Variants in FGF14 observed in about 807,000 individuals in gnomAD.
The protein encoded by FGF14 is fibroblast growth factor homologous factor 4.
In FGF14, 5 loss-of-function variants were observed where a neutral mutation model predicts 25.5. The observed-to-expected ratio is 0.20, with a 90% CI of 0.10 to 0.41. The LOEUF (loss-of-function observed/expected upper bound fraction) is 0.41, where lower values mean the gene tolerates loss of function less well. Ranked by LOEUF, FGF14 falls within the 10% of genes least tolerant of loss-of-function variation. The pLI, the probability that FGF14 is intolerant of heterozygous loss-of-function variation, is 1.00. For missense variants in FGF14, 222 were observed against 320.1 expected (o/e 0.69, Z 2.34); for synonymous variants, 138 against 118.3 (o/e 1.17, Z -1.08).
At chr13:102,168,250 G>A (rs1162991577) in intron 1 of FGF14, among the ~76,000 whole-genome samples, 1 of 152,096 alleles carries the variant, frequency 6.6e-6, no homozygotes, top group Non-Finnish European at 1.5e-5. Context: ...GCGTATGATG[G>A]GGAGGGCAGG....
intron 1 of FGF14, among the ~76,000 whole-genome samples, chr13:102,302,294 A>T (rs1276293626): frequency 5.9e-5 from 9 of 152,110 alleles, no homozygotes; most frequent in Non-Finnish European, 8.8e-5. Flanking sequence ...CGTTTTATAC[A>T]ATTAATCTCC....
intron 1 of FGF14, among the ~76,000 whole-genome samples, chr13:102,046,672 T>C (rs1023436844): frequency 1.2e-4 from 18 of 152,194 alleles, no homozygotes; most frequent in African/African-American, 4.1e-4. Context: ...AGGTGGAATA[T>C]ATTAAAAAGG....
intron 1 of FGF14, among the ~76,000 whole-genome samples, chr13:101,925,041 T>C (rs1229138679): frequency 4.6e-5 from 7 of 152,122 alleles, no homozygotes; most frequent in Admixed American, 2.6e-4. Flanking sequence ...TAAAAAGCTC[T>C]GTGAGCAAAG....
chr13:102,311,786 T>A (rs1181781955), intron 1 of FGF14, among the ~76,000 whole-genome samples: 2 of 152,134 alleles, frequency 1.3e-5, no homozygotes, highest in Non-Finnish European at 2.9e-5. Context: ...TTATCCCCCA[T>A]CCCTTTATGG....
intron 1 of FGF14, among the ~76,000 whole-genome samples, chr13:102,276,692 T>C (rs1304277289): frequency 6.6e-6 from 1 of 152,098 alleles, no homozygotes; most frequent in Non-Finnish European, 1.5e-5. Context: ...GAGATGTGTG[T>C]TTGAGCCCTA....
At chr13:101,728,666 C>T (rs1320119853) in intron 3 of FGF14, among the ~76,000 whole-genome samples, 1 of 152,016 alleles carries the variant, frequency 6.6e-6, no homozygotes, top group Non-Finnish European at 1.5e-5. Flanking sequence ...TTTACTGAGA[C>T]AGGGCAGGGC....
At chr13:102,344,675 A>T (rs2057049890) in intron 1 of FGF14, among the ~76,000 whole-genome samples, 1 of 152,238 alleles carries the variant, frequency 6.6e-6, no homozygotes, top group Non-Finnish European at 1.5e-5. Context: ...AGAGAGGCAC[A>T]TAAGAGATCA....
chr13:102,238,978 AATGG>A (rs1430952691), intron 1 of FGF14, among the ~76,000 whole-genome samples: 1 of 152,142 alleles, frequency 6.6e-6, no homozygotes, highest in Non-Finnish European at 1.5e-5. Context: ...CTATCTGCTT[AATGG>A]AGTGGAAAGC....
intron 3 of FGF14, among the ~76,000 whole-genome samples, chr13:101,754,482 A>G (rs1049971399): frequency 5.9e-5 from 9 of 152,258 alleles, no homozygotes; most frequent in Non-Finnish European, 8.8e-5. Context: ...TAATCCCAGC[A>G]CTTTGGGAGG....
chr13:102,336,473 T>C (rs1200443212), intron 1 of FGF14, among the ~76,000 whole-genome samples: 1 of 151,866 alleles, frequency 6.6e-6, no homozygotes, highest in Non-Finnish European at 1.5e-5. Context: ...ATTCATAAGG[T>C]TTAGGGAAAA....
In FGF14 at chr13:101,816,269, C is replaced by CAAAAAAAAAAAAAAAAAAAAAAA. The variant is rs58615099; in HGVS notation, c.408+52455_408+52456insTTTTTTTTTTTTTTTTTTTTTTT. Among the ~76,000 whole-genome samples, 33 of 89,020 alleles carry CAAAAAAAAAAAAAAAAAAAAAAA rather than the reference C, an allele frequency of 3.7e-4. 2 individuals are homozygous for CAAAAAAAAAAAAAAAAAAAAAAA. Among genetic ancestry groups the CAAAAAAAAAAAAAAAAAAAAAAA allele is most frequent in the African/African-American group, 1.1e-3 (23 of 20,114 alleles). The allele number at this position is 89,020 out of a possible 152,430, so 58.4% of individuals were successfully genotyped here. On this transcript the variant is annotated intron_variant, in intron 3 of 4. Transcript: ENST00000376143. ...TGGGGAACAGAGAGAGACTCCGTCT[C>CAAAAAAAAAAAAAAAAAAAAAAA]AAAAAAAAAAAAAAAATTTGGCTTA...
At chr13:101,915,434 T>C (rs1179752167) in intron 1 of FGF14, among the ~76,000 whole-genome samples, 1 of 152,190 alleles carries the variant, frequency 6.6e-6, no homozygotes, top group Admixed American at 6.5e-5. Flanking sequence ...AAATAGATTC[T>C]TCAATGTTTC....
intron 1 of FGF14, among the ~76,000 whole-genome samples, chr13:102,233,156 CAG>C (rs2051159893): frequency 6.6e-6 from 1 of 152,088 alleles, no homozygotes; most frequent in African/African-American, 2.4e-5. Flanking sequence ...TGTTTTGAGA[CAG>C]AGTCTCACTC....
intron 1 of FGF14, among the ~76,000 whole-genome samples, chr13:102,066,889 C>A (rs2042926356): frequency 6.6e-6 from 1 of 152,174 alleles, no homozygotes. Flanking sequence ...ATCCTCACAA[C>A]CCATGCTTGA....
At position 101,864,399 on chromosome 13, in the gene FGF14, G is replaced by GCA. The variant is rs1339905968; in HGVS notation, c.408+4324_408+4325dup. ...ATCACCGTCTCCCCCAGATACCATT[G>GCA]CAGCAATGCTTGTTGTGTGATTGTC... On this transcript the variant is annotated intron_variant, in intron 3 of 4. Coordinates refer to ENST00000376143, the MANE Select transcript of FGF14 (RefSeq NM_004115.4). Among the ~76,000 whole-genome samples, 193 of 152,194 alleles carry GCA rather than the reference G, an allele frequency of 1.3e-3. 1 individual carries two copies. Among genetic ancestry groups the GCA allele is most frequent in the Non-Finnish European group, 1.8e-4 (12 of 68,020 alleles).
intron 1 of FGF14, among the ~76,000 whole-genome samples, chr13:102,207,581 G>A (rs2049982782): frequency 8.0e-6 from 1 of 125,056 alleles, no homozygotes; most frequent in African/African-American, 3.1e-5. Flanking sequence ...ATTTTAACAC[G>A]TTTTGCAACA....
intron 3 of FGF14, among the ~76,000 whole-genome samples, chr13:101,863,192 C>A (rs1258129472): frequency 6.6e-6 from 1 of 152,084 alleles, no homozygotes. Flanking sequence ...AGAAACCAAC[C>A]TGTTCAGAGA....
intron 1 of FGF14, among the ~76,000 whole-genome samples, chr13:102,396,671 A>G (rs2058592137): frequency 6.6e-6 from 1 of 152,248 alleles, no homozygotes; most frequent in Non-Finnish European, 1.5e-5. Flanking sequence ...AAATTTTCTC[A>G]GTTATGGATG....
chr13:101,946,351 C>A (rs1310266500), intron 1 of FGF14, among the ~76,000 whole-genome samples: 2 of 134,376 alleles, frequency 1.5e-5, no homozygotes, highest in Middle Eastern at 3.6e-3. Context: ...ATAAAAGCAG[C>A]TGCTTCTCCA....
Sources: allele counts gnomAD v4.1 joint callset (sites outside exome capture counted in the v4.1 genomes callset), GRCh38; gene constraint gnomAD v4.1.1; transcripts MANE v1.5; gene names NCBI Gene and HGNC (gene_info 2026-07-23, HGNC 2026-07-21).